The following CCDC14 variants were observed in gnomAD, a reference collection of about 807,000 sequenced individuals.
The protein encoded by CCDC14 is coiled-coil domain-containing protein 14.
Under a neutral mutation model 81.4 loss-of-function variants are expected in CCDC14, and 71 were observed. The ratio of observed to expected loss-of-function variants is 0.87; its 90% CI spans 0.72 to 1.06. The LOEUF is 1.06. CCDC14 is among the 50% of genes least tolerant of loss of function. CCDC14 has a pLI of 0.00. For missense variants in CCDC14, 1,046 were observed against 1,047.3 expected (o/e 1.00, Z 0.02); for synonymous variants, 332 against 364.8 (o/e 0.91, Z 1.03).
chr3:123,949,222 T>C (rs2036863721), intron 5 of CCDC14, 90 bp from the exon 6 acceptor site: 1 of 733,234 alleles, frequency 1.4e-6, no homozygotes, highest in Non-Finnish European at 2.3e-6. Flanking sequence ...CTCTCAGAAG[T>C]AGTCCAATCC....
intron 12 of CCDC14, among the ~76,000 whole-genome samples, chr3:123,916,468 T>TTGTG (rs71142765): frequency 0.41 from 59,839 of 145,908 alleles, 12,955 homozygotes; most frequent in Non-Finnish European, 0.52. Context: ...ATATATGTGT[T>TTGTG]TGTGTGTGTG....
intron 12 of CCDC14, among the ~76,000 whole-genome samples, chr3:123,921,361 C>T (rs535559619): frequency 9.3e-4 from 141 of 151,988 alleles, no homozygotes; most frequent in African/African-American, 2.1e-3. Context: ...GGAAAGGAAA[C>T]GAAGAAAGCA....
rs139640405 is a variant in CCDC14 at position 123,900,433 on chromosome 3, C to G, written c.668-2820G>C. Among the ~76,000 whole-genome samples, 514 of 152,328 alleles carry G rather than the reference C, an allele frequency of 3.4e-3. 1 individual carries two copies. Among genetic ancestry groups the G allele is most frequent in the Non-Finnish European group, 5.5e-3 (377 of 68,032 alleles). ...CCTTTTCTGAGTAGGTCTTCCAGGACTCCTCTGGTCCTTCCCCCTATCTCT... is the reference window on the plus strand; with the variant it reads ...CCTTTTCTGAGTAGGTCTTCCAGGAGTCCTCTGGTCCTTCCCCCTATCTCT... On this transcript the variant is annotated intron_variant, in intron 5 of 5. Coordinates refer to the CCDC14 transcript ENST00000479903.
intron 12 of CCDC14, among the ~76,000 whole-genome samples, chr3:123,925,727 C>T (rs949826801): frequency 5.9e-5 from 9 of 152,236 alleles, no homozygotes; most frequent in South Asian, 2.1e-4. Context: ...GAAGCCACCA[C>T]GTCCAGCCTA....
intron 5 of CCDC14, chr3:123,955,145 C>T (rs1322569145): frequency 6.6e-6 from 1 of 152,204 alleles, no homozygotes; most frequent in Admixed American, 6.5e-5. Flanking sequence ...AATCTAAGCA[C>T]GTACTACAGT....
intron 9 of CCDC14, among the ~76,000 whole-genome samples, chr3:123,936,437 G>A (rs1362212208): frequency 1.3e-5 from 2 of 151,778 alleles, no homozygotes; most frequent in African/African-American, 4.8e-5. Flanking sequence ...AATTTAAAGT[G>A]TGTCATTTTA....
At chr3:123,893,329 A>G (rs2034015587), downstream of CCDC14, among the ~76,000 whole-genome samples, 1 of 152,158 alleles carries the variant, frequency 6.6e-6, no homozygotes. Context: ...GTAATCATAT[A>G]ATATTTATCC....
At chr3:123,905,770 C>T (rs1189957021) in intron 5 of CCDC14, among the ~76,000 whole-genome samples, 1 of 152,182 alleles carries the variant, frequency 6.6e-6, no homozygotes, top group South Asian at 2.1e-4. Context: ...AATGTAAGCT[C>T]ACAGGGGAAA....
rs2035878932 is a variant in CCDC14, at chr3:123,933,671, A to G, written c.1426+2T>C. 9 of 1,561,870 alleles carry G rather than the reference A, an allele frequency of 5.8e-6. No individual in the cohort carries two copies. Among genetic ancestry groups the G allele is most frequent in the African/African-American group, 1.3e-5 (1 of 74,214 alleles). On this transcript the variant is annotated splice_donor_variant, in intron 10 of 12. Coordinates refer to ENST00000409697, the MANE Select transcript of CCDC14 (RefSeq NM_001366335.1). LOFTEE classifies it high-confidence loss of function. The stretch of plus-strand genomic sequence containing the variant: ...ATCAATCCTTAAAGTTCTTTTACCT[A>G]CATTCAAGGTTGCAATCCACAGCAC...
chr3:123,891,042 C>T, the CCDC14 span, among the ~76,000 whole-genome samples: 1 of 152,252 alleles, frequency 6.6e-6, no homozygotes, highest in East Asian at 1.9e-4. Flanking sequence ...GCTGCCAAGG[C>T]TTGGGGCTTG....
chr3:123,904,909 G>A (rs2034271467), intron 5 of CCDC14, among the ~76,000 whole-genome samples: 1 of 152,150 alleles, frequency 6.6e-6, no homozygotes, highest in African/African-American at 2.4e-5. Flanking sequence ...CAATTTTGCA[G>A]ATGAATGGGG....
downstream of CCDC14, among the ~76,000 whole-genome samples, chr3:123,895,424 T>G (rs2034045667): frequency 6.6e-6 from 1 of 152,216 alleles, no homozygotes; most frequent in Non-Finnish European, 1.5e-5. Context: ...AGCTCATGAA[T>G]GTACTAAATC....
At chr3:123,886,031 A>G in the CCDC14 span, among the ~76,000 whole-genome samples, 1 of 152,142 alleles carries the variant, frequency 6.6e-6, no homozygotes, top group Non-Finnish European at 1.5e-5. Context: ...GAATTTAAAT[A>G]TATTTGATAG....
At chr3:123,892,574 G>A (rs964924018), downstream of CCDC14, among the ~76,000 whole-genome samples, 1 of 152,076 alleles carries the variant, frequency 6.6e-6, no homozygotes, top group African/African-American at 2.4e-5. Context: ...CAGAAAATGG[G>A]TTTTTCTTTA....
rs1429085659 is a variant in CCDC14, at chr3:123,948,980, G to A, written c.505C>T (p.Gln169Ter). ...YQALCEHVQT[Q>*]MSLMNDLTSK... ...GTCAAGTCATTCATCAGTGACATCT[G>A]AGTCTGCACGTGCTCACAGAGGGCT... The change falls in exon 6 of 13, where the codon CAG becomes TAG. Residue 169 changes from glutamine to a stop codon, truncating the protein, a stop_gained. Transcript: ENST00000409697. LOFTEE classifies it high-confidence loss of function. The A allele has an allele frequency of 6.2e-7, 1 of 1,613,978 alleles. No homozygotes were observed. Among genetic ancestry groups the A allele is most frequent in the East Asian group, 2.2e-5 (1 of 44,874 alleles).
chr3:123,887,482 A>AC, the CCDC14 span, among the ~76,000 whole-genome samples: 13 of 28,548 alleles, frequency 4.6e-4, 1 homozygote, highest in South Asian at 9.2e-4. Context: ...AACAACAACA[A>AC]AAAAAAAAAA....
At chr3:123,939,478 G>T (rs1273411504) in intron 9 of CCDC14, among the ~76,000 whole-genome samples, 4 of 138,948 alleles carry the variant, frequency 2.9e-5, no homozygotes. Flanking sequence ...ATAGGGTCTT[G>T]CTCTGTTTCC....
At chr3:123,908,951 G>A (rs898003198), downstream of CCDC14, among the ~76,000 whole-genome samples, 1 of 151,960 alleles carries the variant, frequency 6.6e-6, no homozygotes, top group Non-Finnish European at 1.5e-5. Flanking sequence ...TAATCATATT[G>A]ACTGACCTAA....
chr3:123,946,825 G>A lies in CCDC14; in HGVS notation c.1179C>T (p.Leu393=). 1 of 1,613,680 alleles carries A rather than the reference G, an allele frequency of 6.2e-7. No individual in the cohort carries two copies. Among genetic ancestry groups the A allele is most frequent in the South Asian group, 1.1e-5 (1 of 91,050 alleles). ...VRIIKYLLGE[L]KALVAEQEDS... ...TACCTTGTTCTGCTACCAGGGCCTT[G>A]AGCTCTCCCAACAAATATTTTATAA... The change falls in exon 8 of 13, where the codon CTC becomes CTT. Residue 393 remains leucine (L), a synonymous_variant. Transcript: ENST00000409697.
Sources: gnomAD v4.1 joint callset for allele counts (sites outside exome capture counted in the v4.1 genomes callset) on GRCh38, gnomAD v4.1.1 for gene constraint, MANE v1.5 for transcripts, NCBI Gene and HGNC (gene_info 2026-07-23, HGNC 2026-07-21) for gene names.